The following ZNF710 variants were observed in gnomAD, a reference collection of about 807,000 sequenced individuals.
ZNF710 encodes the protein zinc finger protein 710.
A neutral mutation model predicts 50.6 loss-of-function variants in ZNF710; 13 were observed. The ratio of observed to expected loss-of-function variants is 0.26; its 90% confidence interval spans 0.17 to 0.41. The LOEUF is 0.41. Ranked by LOEUF, ZNF710 falls within the 10% of genes least tolerant of loss-of-function variation. The pLI is 1.00. For missense variants in ZNF710, 721 were observed against 936.6 expected (o/e 0.77, Z 3.01); for synonymous variants, 383 against 397.0 (o/e 0.96, Z 0.42).
At chr15:90,011,156 CT>C (rs962054964) in intron 1 of ZNF710, among the ~76,000 whole-genome samples, 60 of 152,272 alleles carry the variant, frequency 3.9e-4, no homozygotes, top group African/African-American at 1.4e-3. Flanking sequence ...TCTTGAACTC[CT>C]GACCTCACGT....
chr15:90,017,348 C>T (rs1898483628), intron 1 of ZNF710, among the ~76,000 whole-genome samples: 1 of 152,082 alleles, frequency 6.6e-6, no homozygotes, highest in South Asian at 2.1e-4. Context: ...GAGAACAAAG[C>T]TGAAAGTGTT....
chr15:90,026,263 C>CCAA (rs1555456426), intron 1 of ZNF710, among the ~76,000 whole-genome samples: 3 of 100,560 alleles, frequency 3.0e-5, no homozygotes, highest in African/African-American at 1.3e-4. Flanking sequence ...ACAACAACAA[C>CCAA]AACAACAAAA....
chr15:90,004,501 C>T (rs1296370197), intron 1 of ZNF710, among the ~76,000 whole-genome samples: 1 of 152,216 alleles, frequency 6.6e-6, no homozygotes, highest in African/African-American at 2.4e-5. Context: ...CGGCAGGACT[C>T]ATTATGTTGA....
intron 1 of ZNF710, among the ~76,000 whole-genome samples, chr15:90,065,197 C>A (rs1185624793): frequency 6.6e-6 from 1 of 152,160 alleles, no homozygotes. Flanking sequence ...TATTTTTAGC[C>A]GTCCTCAGGA....
intron 1 of ZNF710, among the ~76,000 whole-genome samples, chr15:90,065,546 G>A (rs563922843): frequency 4.6e-5 from 7 of 152,292 alleles, no homozygotes; most frequent in African/African-American, 1.2e-4. Context: ...GCCACGCCTC[G>A]GAGGCTGGTG....
At chr15:90,043,193 C>T (rs541596598) in intron 1 of ZNF710, among the ~76,000 whole-genome samples, 14 of 152,374 alleles carry the variant, frequency 9.2e-5, no homozygotes, top group African/African-American at 3.4e-4. Context: ...GTTGCCACGG[C>T]TTTCACCTCC....
chr15:90,040,382 T>A lies in ZNF710; in HGVS notation c.-28-26728T>A, dbSNP rs1012117545. Among the ~76,000 whole-genome samples, 2 of 152,200 alleles carry A rather than the reference T, an allele frequency of 1.3e-5. No homozygotes were observed. Among genetic ancestry groups the A allele is most frequent in the Admixed American group, 6.5e-5 (1 of 15,284 alleles). On this transcript the variant is annotated intron_variant, in intron 1 of 4. Coordinates refer to ENST00000268154, the MANE Select transcript of ZNF710 (RefSeq NM_198526.4). The surrounding 1 kb of genome is among the most constrained non-coding windows in gnomAD (Gnocchi z 4.6). The stretch of plus-strand genomic sequence containing the variant: ...AAGCCACATGTGAACACTCCGCAGA[T>A]TTTCCCTGCAAGGTACAAGCCCTCC...
intron 1 of ZNF710, among the ~76,000 whole-genome samples, chr15:90,047,685 AATG>A (rs1000124990): frequency 2.6e-5 from 4 of 151,222 alleles, no homozygotes; most frequent in Non-Finnish European, 5.9e-5. Context: ...CCCGGGTTCA[AATG>A]ATTCTCCTGC....
chr15:90,033,468 G>T (rs1051542769), intron 1 of ZNF710, among the ~76,000 whole-genome samples: 1 of 152,150 alleles, frequency 6.6e-6, no homozygotes, highest in Non-Finnish European at 1.5e-5. Context: ...ATCCCAACAG[G>T]CCAGTTCAGG....
At chr15:90,015,436 TTTCTC>T (rs1176911355) in intron 1 of ZNF710, among the ~76,000 whole-genome samples, 1 of 152,210 alleles carries the variant, frequency 6.6e-6, no homozygotes, top group Non-Finnish European at 1.5e-5. Flanking sequence ...CTTTTGGAAA[TTTCTC>T]TTAACAGATA....
intron 1 of ZNF710, among the ~76,000 whole-genome samples, chr15:90,004,918 G>A (rs918015164): frequency 1.3e-5 from 2 of 152,240 alleles, no homozygotes; most frequent in African/African-American, 4.8e-5. Flanking sequence ...GATTCAGGCT[G>A]TTTCAACACT....
intron 1 of ZNF710, among the ~76,000 whole-genome samples, chr15:90,009,369 G>A (rs948049669): frequency 3.9e-5 from 6 of 152,008 alleles, no homozygotes; most frequent in Non-Finnish European, 8.8e-5. Context: ...CGGGCCCTGG[G>A]CTCACAAGCC....
intron 4 of ZNF710, among the ~76,000 whole-genome samples, chr15:90,077,239 C>CTTTTT (rs34572330): frequency 2.5e-5 from 2 of 79,082 alleles, no homozygotes; most frequent in Admixed American, 1.5e-4. Context: ...TCTCAAGGTG[C>CTTTTT]TTTTTTTTTT....
chr15:90,017,202 G>A (rs1326968631), intron 1 of ZNF710, among the ~76,000 whole-genome samples: 1 of 152,180 alleles, frequency 6.6e-6, no homozygotes, highest in Non-Finnish European at 1.5e-5. Context: ...CTATTCAGAA[G>A]TGCCATTGGA....
chr15:90,039,934 C>G (rs576651590), intron 1 of ZNF710, among the ~76,000 whole-genome samples: 1 of 141,492 alleles, frequency 7.1e-6, no homozygotes, highest in Non-Finnish European at 1.5e-5. Context: ...GGACTCTCAA[C>G]TTTTTCATAT....
chr15:90,034,460 GT>G lies in ZNF710; in HGVS notation c.-28-32649del, dbSNP rs1899051017. Reference sequence around the variant, plus strand: ...TGTGTGTGTGTGTGTGTGTGTGTGTGTGTGTGTGTGTGTGTATTCTGTGCCT... The same window carrying G: ...TGTGTGTGTGTGTGTGTGTGTGTGTGGTGTGTGTGTGTGTATTCTGTGCCT... On this transcript the variant is annotated intron_variant, in intron 1 of 4. Coordinates refer to ENST00000268154, the MANE Select transcript of ZNF710 (RefSeq NM_198526.4). This position sits in a 1 kb window ranked among gnomAD's most constrained non-coding sequence, Gnocchi z 4.0. 1.3e-5 allele frequency among the ~76,000 whole-genome samples: 2 copies of G among 151,204 alleles called. No individual in the cohort carries two copies. Among genetic ancestry groups the G allele is most frequent in the African/African-American group, 2.4e-5 (1 of 41,178 alleles).
At chr15:90,049,944 G>T (rs1899587281) in intron 1 of ZNF710, among the ~76,000 whole-genome samples, 1 of 152,204 alleles carries the variant, frequency 6.6e-6, no homozygotes, top group Non-Finnish European at 1.5e-5. Context: ...CCCTTGCATA[G>T]GTCCTACCCC....
rs1228746599 is a variant in ZNF710, at chr15:90,080,307, GC to G, written c.*483del. ...TACTGCCCACCTCTACCTTGTCCAGGCCCCCTTCCCCGCCCTGTCGACGGAC... is the reference window on the plus strand; with the variant it reads ...TACTGCCCACCTCTACCTTGTCCAGGCCCCTTCCCCGCCCTGTCGACGGAC... On this transcript the variant is annotated 3_prime_UTR_variant, in exon 5 of 5. Coordinates refer to ENST00000268154, the MANE Select transcript of ZNF710 (RefSeq NM_198526.4). 2 of 153,946 alleles carry G rather than the reference GC, an allele frequency of 1.3e-5. No individual in the cohort carries two copies. The highest frequency in any genetic ancestry group is 2.9e-5 in the Non-Finnish European group (2 of 69,104). 9.5% of individuals were successfully genotyped at this position (153,946 alleles called of 1,614,324 possible). A position where few individuals can be genotyped will look rare whatever the true frequency, so the allele number is the denominator to read the frequency against.
chr15:90,044,382 A>G (rs780186869), intron 1 of ZNF710, among the ~76,000 whole-genome samples: 1 of 152,192 alleles, frequency 6.6e-6, no homozygotes, highest in Non-Finnish European at 1.5e-5. Flanking sequence ...TTCCCTGCCA[A>G]GGCGGGGCTA....
Sources: allele counts gnomAD v4.1 joint callset (sites outside exome capture counted in the v4.1 genomes callset), GRCh38; gene constraint gnomAD v4.1.1; non-coding constraint Gnocchi (gnomAD v3.1); transcripts MANE v1.5; gene names NCBI Gene and HGNC (gene_info 2026-07-23, HGNC 2026-07-21).